The following FBXO34 variants were observed in gnomAD, a reference collection of about 807,000 sequenced individuals.
FBXO34 encodes F-box protein 34.
In FBXO34, 12 loss-of-function variants were observed where a neutral mutation model predicts 24.5. That is an observed-to-expected ratio of 0.49 (90% CI 0.31 to 0.79). The LOEUF (loss-of-function observed/expected upper bound fraction) is 0.79. Among genes scored for constraint, FBXO34 ranks in the 30% least tolerant of loss-of-function variants. The pLI is 0.04. For synonymous variants in FBXO34, 320 were observed against 311.9 expected, an observed-to-expected ratio of 1.03 and a Z score of -0.27; for missense variants, 823 against 857.7, an observed-to-expected ratio of 0.96 and a Z score of 0.51.
the FBXO34 span, among the ~76,000 whole-genome samples, chr14:55,418,079 A>G: frequency 6.6e-6 from 1 of 152,246 alleles, no homozygotes; most frequent in South Asian, 2.1e-4. Flanking sequence ...ATTACCCTAG[A>G]GGAATATACT....
intron 1 of FBXO34, among the ~76,000 whole-genome samples, chr14:55,319,737 G>T (rs1215785476): frequency 6.6e-6 from 1 of 152,076 alleles, no homozygotes; most frequent in East Asian, 1.9e-4. Flanking sequence ...GTGCAGTGGC[G>T]CAATCTCGGC....
chr14:55,276,344 G>A (rs1881341958), intron 1 of FBXO34, among the ~76,000 whole-genome samples: 1 of 152,042 alleles, frequency 6.6e-6, no homozygotes, highest in African/African-American at 2.4e-5. Flanking sequence ...CCCCTATATT[G>A]TTAGTCATAT....
At chr14:55,429,766 C>CAAAAAAAAAAAAAAAAAAAAAAAA in the FBXO34 span, among the ~76,000 whole-genome samples, 1 of 52,392 alleles carries the variant, frequency 1.9e-5, no homozygotes, top group Non-Finnish European at 3.2e-5. Flanking sequence ...AACTCCGTCT[C>CAAAAAAAAAAAAAAAAAAAAAAAA]AAAAAAAAAA....
intron 1 of FBXO34, among the ~76,000 whole-genome samples, chr14:55,325,640 T>C (rs1317363706): frequency 1.3e-5 from 2 of 152,142 alleles, no homozygotes; most frequent in African/African-American, 4.8e-5. Context: ...CACGCCCGGC[T>C]AATTTTGTAT....
the FBXO34 span, among the ~76,000 whole-genome samples, chr14:55,439,503 C>CA: frequency 4.0e-5 from 6 of 149,944 alleles, no homozygotes; most frequent in African/African-American, 1.2e-4. Context: ...TAGAACCAGG[C>CA]GGGGGGCCAG....
intron 1 of FBXO34, among the ~76,000 whole-genome samples, chr14:55,329,473 G>A (rs373226136): frequency 6.6e-6 from 1 of 152,302 alleles, no homozygotes; most frequent in South Asian, 2.1e-4. Context: ...TGAAGAAAGT[G>A]TGTAATAAAC....
intron 1 of FBXO34, among the ~76,000 whole-genome samples, chr14:55,300,600 A>G (rs985201844): frequency 9.2e-5 from 14 of 152,220 alleles, no homozygotes; most frequent in African/African-American, 3.4e-4. Flanking sequence ...GTCTCAAAAA[A>G]AAGAAACCAC....
chr14:55,426,254 C>G, the FBXO34 span, among the ~76,000 whole-genome samples: 1 of 139,828 alleles, frequency 7.2e-6, no homozygotes, highest in East Asian at 2.0e-4. Flanking sequence ...GGCAAAAGAG[C>G]AAAACTCCAT....
intron 1 of FBXO34, among the ~76,000 whole-genome samples, chr14:55,334,640 A>G (rs748710247): frequency 1.3e-5 from 2 of 152,148 alleles, no homozygotes; most frequent in Non-Finnish European, 2.9e-5. Context: ...CACAAAGCAG[A>G]GAGGAAAAGT....
rs138063247 is a variant in FBXO34, at chr14:55,285,357, C to T, written c.-11+13820C>T. Reference sequence around the variant, plus strand: ...TGCACTCCAGCCTGGGCAACAAGAGCGAAACTCTGTCTCAGAAAAAAAAAA... The same window carrying T: ...TGCACTCCAGCCTGGGCAACAAGAGTGAAACTCTGTCTCAGAAAAAAAAAA... On this transcript the variant is annotated intron_variant, in intron 1 of 1. Transcript: ENST00000313833. 6.6e-3 allele frequency: 997 copies of T among 150,330 alleles called. 9 individuals carry two copies. Among genetic ancestry groups the T allele is most frequent in the Middle Eastern group, 0.027 (8 of 294 alleles). 9.3% of individuals were successfully genotyped at this position (150,330 alleles called of 1,614,324 possible).
the FBXO34 span, among the ~76,000 whole-genome samples, chr14:55,432,232 ACC>A: frequency 8.1e-6 from 1 of 123,450 alleles, no homozygotes; most frequent in Non-Finnish European, 1.7e-5. Context: ...ATATGGGGAA[ACC>A]CCCGTCTCTA....
chr14:55,428,052 A>G, the FBXO34 span, among the ~76,000 whole-genome samples: 1 of 136,564 alleles, frequency 7.3e-6, no homozygotes, highest in Non-Finnish European at 1.5e-5. Context: ...TCTTCTCCCC[A>G]ATCCATTCTC....
At chr14:55,347,770 A>G (rs1884206123) in intron 1 of FBXO34, among the ~76,000 whole-genome samples, 1 of 152,270 alleles carries the variant, frequency 6.6e-6, no homozygotes, top group African/African-American at 2.4e-5. Context: ...CTCTCTATCA[A>G]TAATAGCACC....
At chr14:55,294,704 A>G (rs1882061368) in intron 1 of FBXO34, among the ~76,000 whole-genome samples, 1 of 152,222 alleles carries the variant, frequency 6.6e-6, no homozygotes, top group African/African-American at 2.4e-5. Flanking sequence ...ACTGTGTTCC[A>G]TAATTACACC....
chr14:55,431,363 T>C, the FBXO34 span, among the ~76,000 whole-genome samples: 1 of 152,254 alleles, frequency 6.6e-6, no homozygotes, highest in East Asian at 1.9e-4. Context: ...AACATGAGCA[T>C]ATTTTACAAT....
At chr14:55,438,476 C>A in the FBXO34 span, among the ~76,000 whole-genome samples, 4 of 152,104 alleles carry the variant, frequency 2.6e-5, no homozygotes, top group African/African-American at 9.7e-5. Context: ...GCAGGGTTTC[C>A]TTGGTCTCAC....
chr14:55,356,284 C>G (rs952618955), downstream of FBXO34, among the ~76,000 whole-genome samples: 1 of 152,194 alleles, frequency 6.6e-6, no homozygotes, highest in African/African-American at 2.4e-5. Flanking sequence ...CAGCCTGATA[C>G]AAAAACATGA....
chr14:55,404,279 G>C, the FBXO34 span, among the ~76,000 whole-genome samples: 1 of 152,192 alleles, frequency 6.6e-6, no homozygotes, highest in Non-Finnish European at 1.5e-5. Context: ...TTACTAAAAA[G>C]ACACTCACTG....
intron 1 of FBXO34, among the ~76,000 whole-genome samples, chr14:55,328,727 A>G (rs1350441917): frequency 6.6e-6 from 1 of 152,194 alleles, no homozygotes; most frequent in Non-Finnish European, 1.5e-5. Flanking sequence ...ACACGTAGGT[A>G]ATGTTTAGAG....
Sources: allele counts gnomAD v4.1 joint callset (sites outside exome capture counted in the v4.1 genomes callset), GRCh38; gene constraint gnomAD v4.1.1; transcripts MANE v1.5; gene names NCBI Gene and HGNC (gene_info 2026-07-23, HGNC 2026-07-21).